Variants in DNAH9 observed in about 807,000 individuals in gnomAD.
DNAH9 encodes dynein axonemal heavy chain 9.
Under a neutral mutation model 471.6 loss-of-function variants are expected in DNAH9, and 345 were observed. The ratio of observed to expected loss-of-function variants is 0.73; its 90% CI spans 0.67 to 0.80. The LOEUF (loss-of-function observed/expected upper bound fraction) is 0.80, where lower values mean the gene tolerates loss of function less well. DNAH9 is among the 30% of genes least tolerant of loss of function. The pLI, the probability that DNAH9 is intolerant of heterozygous loss-of-function variation, is 0.00. For missense variants in DNAH9, 5,407 were observed against 5,609.2 expected, an observed-to-expected ratio of 0.96 and a Z score of 1.15; for synonymous variants, 2,093 against 2,123.6, an observed-to-expected ratio of 0.99 and a Z score of 0.40.
intron 10 of DNAH9, among the ~76,000 whole-genome samples, chr17:11,642,988 C>T (rs985211617): frequency 7.2e-5 from 11 of 152,180 alleles, no homozygotes; most frequent in African/African-American, 2.7e-4. Context: ...TGAAGAAATC[C>T]TATGTTGGTT....
intron 20 of DNAH9, among the ~76,000 whole-genome samples, chr17:11,692,259 G>C (rs958625558): frequency 6.6e-6 from 1 of 152,036 alleles, no homozygotes; most frequent in African/African-American, 2.4e-5. Context: ...GTGTAAACTG[G>C]GACTAATACT....
intron 31 of DNAH9, among the ~76,000 whole-genome samples, chr17:11,746,887 G>A (rs1396271740): frequency 1.3e-5 from 2 of 151,932 alleles, no homozygotes; most frequent in East Asian, 1.9e-4. Flanking sequence ...GTTACTTGAG[G>A]ACATACTACA....
chr17:11,748,803 T>C (rs1967014250), intron 32 of DNAH9, among the ~76,000 whole-genome samples: 1 of 152,120 alleles, frequency 6.6e-6, no homozygotes, highest in African/African-American at 2.4e-5. Flanking sequence ...AGGACCTCTT[T>C]CTAAAACCTA....
intron 1 of DNAH9, among the ~76,000 whole-genome samples, chr17:11,600,192 G>A (rs12450436): frequency 0.3 from 46,346 of 152,146 alleles, 8,116 homozygotes; most frequent in Non-Finnish European, 0.41. Context: ...AAGCCATCCC[G>A]CTGAAGCCTG....
At chr17:11,699,506 T>C (rs1399253117) in intron 22 of DNAH9, among the ~76,000 whole-genome samples, 1 of 152,222 alleles carries the variant, frequency 6.6e-6, no homozygotes, top group African/African-American at 2.4e-5. Context: ...TTATAGCTAG[T>C]GCACAACTCT....
At position 11,812,256 on chromosome 17, in the gene DNAH9, C is replaced by T. The variant is rs76430313; in HGVS notation, c.8707+1887C>T. ...CAAATGTTCCTGAACAAAATTTCTG[C>T]CTCCAGACTTCCAGCATCTCAAAAG... is the stretch of plus-strand genomic sequence containing the variant. On this transcript the variant is annotated intron_variant, in intron 45 of 68. Coordinates refer to ENST00000262442, the MANE Select transcript of DNAH9 (RefSeq NM_001372.4). 9.5e-3 allele frequency among the ~76,000 whole-genome samples: 1,431 copies of T among 151,208 alleles called. 38 individuals carry two copies. Among genetic ancestry groups the T allele is most frequent in the African/African-American group, 0.033 (1,369 of 41,278 alleles).
chr17:11,623,158 G>A lies in DNAH9; in HGVS notation c.1350+3377G>A, dbSNP rs1032288299. Among the ~76,000 whole-genome samples the A allele has an allele frequency of 1.3e-5, 2 of 151,840 alleles. No homozygotes were observed. Among genetic ancestry groups the A allele is most frequent in the African/African-American group, 4.8e-5 (2 of 41,316 alleles). ...CTGGTTAATTTTTGTATTTTTAGTA[G>A]AGACAGGGTCTTTCTGTGTTGGTCA... On this transcript the variant is annotated intron_variant, in intron 6 of 68. Coordinates refer to ENST00000262442, the MANE Select transcript of DNAH9 (RefSeq NM_001372.4). This position sits in a 1 kb window ranked among gnomAD's most constrained non-coding sequence, Gnocchi z 4.1.
At chr17:11,746,269 G>A (rs1056962776) in intron 31 of DNAH9, among the ~76,000 whole-genome samples, 1 of 152,152 alleles carries the variant, frequency 6.6e-6, no homozygotes, top group African/African-American at 2.4e-5. Context: ...AGAAGGTGAA[G>A]GAGAAGCAAG....
intron 8 of DNAH9, among the ~76,000 whole-genome samples, chr17:11,633,222 C>T (rs1028574333): frequency 6.6e-5 from 10 of 152,134 alleles, no homozygotes; most frequent in African/African-American, 1.7e-4. Flanking sequence ...CAGCTGAGAA[C>T]GCTGCATCGT....
chr17:11,914,159 T>C (rs558481751), intron 61 of DNAH9, among the ~76,000 whole-genome samples: 2 of 152,358 alleles, frequency 1.3e-5, no homozygotes, highest in South Asian at 4.1e-4. Context: ...GCACAGAGGT[T>C]CAAAACATGT....
At chr17:11,617,271 A>G (rs2072765244) in intron 4 of DNAH9, 140 bp from the exon 5 acceptor site, 1 of 611,326 alleles carries the variant, frequency 1.6e-6, no homozygotes, top group African/African-American at 1.8e-5. Flanking sequence ...ATATTTCCTC[A>G]TAAGAGCTAG....
intron 43 of DNAH9, among the ~76,000 whole-genome samples, 189 bp downstream of exon 43, chr17:11,797,982 C>A (rs1204307826): frequency 1.3e-5 from 2 of 152,150 alleles, no homozygotes; most frequent in African/African-American, 4.8e-5. Context: ...CAGCACAGTG[C>A]GGAGCTCAGG....
At chr17:11,810,128 T>G in intron 44 of DNAH9, 118 bp from the exon 45 acceptor site, 2 of 1,282,108 alleles carry the variant, frequency 1.6e-6, no homozygotes, top group South Asian at 3.2e-5. Context: ...CATTGTCACC[T>G]TACTTTAATT....
At chr17:11,607,313 C>T (rs1044905988) in intron 1 of DNAH9, among the ~76,000 whole-genome samples, 8 of 152,172 alleles carry the variant, frequency 5.3e-5, no homozygotes, top group Admixed American at 3.3e-4. Flanking sequence ...AGTCAACATA[C>T]TCACAGCCCA....
In DNAH9 at chr17:11,651,290, A is replaced by G; in HGVS notation, c.2319A>G (p.Arg773=). Residue 773 remains arginine (R), a synonymous_variant, in exon 13 of 69, where the codon AGA becomes AGG. Coordinates refer to ENST00000262442, the MANE Select transcript of DNAH9 (RefSeq NM_001372.4). ...EELQNIDLRL[R]AAEETLNWKT... ...TGCAAAATATTGATCTCCGCCTCAGAGCAGCAGAGGAGACTTTGAACTGGA... is the reference window on the plus strand; with the variant it reads ...TGCAAAATATTGATCTCCGCCTCAGGGCAGCAGAGGAGACTTTGAACTGGA... 1 of 1,613,830 alleles carries G rather than the reference A, an allele frequency of 6.2e-7. No individual in the cohort carries two copies. Among genetic ancestry groups the G allele is most frequent in the Non-Finnish European group, 8.5e-7 (1 of 1,179,834 alleles).
At chr17:11,948,221 GCT>G (rs1491477491) in intron 67 of DNAH9, among the ~76,000 whole-genome samples, 13 of 141,186 alleles carry the variant, frequency 9.2e-5, no homozygotes, top group Admixed American at 4.9e-4. Flanking sequence ...ATCTAATCTG[GCT>G]CTTTTTTTTT....
At chr17:11,704,139 G>A (rs1323818096) in intron 24 of DNAH9, 64 bp from the exon 25 acceptor site, 1 of 1,593,840 alleles carries the variant, frequency 6.3e-7, no homozygotes, top group African/African-American at 1.3e-5. Context: ...CTTGCTGTGT[G>A]ATGAGTGGGT....
intron 49 of DNAH9, among the ~76,000 whole-genome samples, chr17:11,848,562 TTAAA>T (rs1410612925): frequency 5.3e-5 from 8 of 151,784 alleles, no homozygotes; most frequent in African/African-American, 1.9e-4. Flanking sequence ...CAAATAATTG[TTAAA>T]TAATTTAATA....
At chr17:11,826,359 G>GGA (rs574294369) in intron 48 of DNAH9, among the ~76,000 whole-genome samples, 218 of 38,646 alleles carry the variant, frequency 5.6e-3, no homozygotes, top group Admixed American at 0.025. Flanking sequence ...GCCGGAAGCT[G>GGA]GGGGGGTAAT....
Sources: gnomAD v4.1 joint callset for allele counts (sites outside exome capture counted in the v4.1 genomes callset) on GRCh38, gnomAD v4.1.1 for gene constraint, Gnocchi (gnomAD v3.1) non-coding constraint, MANE v1.5 for transcripts, NCBI Gene and HGNC (gene_info 2026-07-23, HGNC 2026-07-21) for gene names.